The following AIF1L variants were observed in gnomAD, a reference collection of about 807,000 sequenced individuals.
AIF1L encodes the protein allograft inflammatory factor 1-like.
A neutral mutation model predicts 20.7 loss-of-function variants in AIF1L; 12 were observed. That is an observed-to-expected ratio of 0.58 (90% CI 0.37 to 0.94). The LOEUF (loss-of-function observed/expected upper bound fraction) is 0.94, where lower values mean the gene tolerates loss of function less well. Among genes scored for constraint, AIF1L ranks in the 40% least tolerant of loss-of-function variants. The probability of loss-of-function intolerance (pLI) is 0.01; values close to 1 mark genes in which losing one functional copy is unlikely to be tolerated. For synonymous variants in AIF1L, 76 were observed against 65.1 expected (o/e 1.17, Z -0.81); for missense variants, 173 against 185.3 (o/e 0.93, Z 0.39).
chr9:131,106,115 C>G, intron 2 of AIF1L: 1 of 1,479,610 alleles, frequency 6.8e-7, no homozygotes, highest in Non-Finnish European at 9.1e-7. Context: ...ATATGCTGGG[C>G]ACTTCGACGC....
intron 5 of AIF1L, among the ~76,000 whole-genome samples, chr9:131,118,402 A>G (rs1186838614): frequency 1.3e-5 from 2 of 151,738 alleles, no homozygotes; most frequent in Non-Finnish European, 2.9e-5. Flanking sequence ...CCAAATGGTC[A>G]TATTAATATG....
At chr9:131,101,147 C>T (rs1468505458) in intron 2 of AIF1L, among the ~76,000 whole-genome samples, 6 of 152,102 alleles carry the variant, frequency 3.9e-5, no homozygotes, top group Non-Finnish European at 7.4e-5. Context: ...CCGCCCCCCT[C>T]GGCCTCCCAA....
At chr9:131,104,027 C>T (rs994375684) in intron 2 of AIF1L, among the ~76,000 whole-genome samples, 1 of 152,198 alleles carries the variant, frequency 6.6e-6, no homozygotes, top group African/African-American at 2.4e-5. Flanking sequence ...AATTTAACAG[C>T]TCTGCCACCT....
intron 2 of AIF1L, among the ~76,000 whole-genome samples, chr9:131,104,438 A>G (rs1403859749): frequency 1.3e-5 from 2 of 152,220 alleles, no homozygotes; most frequent in Non-Finnish European, 2.9e-5. Context: ...AACTCCCAGT[A>G]TTGACTTTCT....
At chr9:131,117,661 T>C in intron 4 of AIF1L, 95 bp from the exon 5 acceptor site, 1 of 1,365,852 alleles carries the variant, frequency 7.3e-7, no homozygotes, top group Non-Finnish European at 9.9e-7. Context: ...ACGCCAAGTT[T>C]CTAGGCGTGG....
chr9:131,115,288 A>C (rs1830982784), intron 4 of AIF1L, among the ~76,000 whole-genome samples: 1 of 151,728 alleles, frequency 6.6e-6, no homozygotes, highest in Non-Finnish European at 1.5e-5. Context: ...CATCTCTACT[A>C]AAAATACAAA....
At chr9:131,108,924 A>G (rs759464906) in intron 2 of AIF1L, among the ~76,000 whole-genome samples, 3 of 152,206 alleles carry the variant, frequency 2.0e-5, no homozygotes, top group Admixed American at 1.3e-4. Context: ...GTCATCCTCT[A>G]TTCTGCTTGA....
At position 131,120,413 on chromosome 9, in the gene AIF1L, CATTT is replaced by C; in HGVS notation, c.*92_*95del. The C allele has an allele frequency of 1.9e-6, 2 of 1,069,244 alleles. No homozygotes were observed. Among genetic ancestry groups the C allele is most frequent in the Non-Finnish European group, 2.7e-6 (2 of 743,722 alleles). The allele number at this position is 1,069,244 out of a possible 1,614,324, so 66.2% of individuals were successfully genotyped here. On this transcript the variant is annotated 3_prime_UTR_variant, in exon 6 of 6. Transcript: ENST00000247291. Reference sequence around the variant, plus strand: ...GACACACTGTGATCTCTCTCTCTCTCATTTGTTTGGTCATTGAGGGTTTGTTTGT... The same window carrying C: ...GACACACTGTGATCTCTCTCTCTCTCGTTTGGTCATTGAGGGTTTGTTTGT...
At chr9:131,105,834 C>CT (rs11316586) in intron 2 of AIF1L, among the ~76,000 whole-genome samples, 4 of 139,154 alleles carry the variant, frequency 2.9e-5, no homozygotes, top group African/African-American at 8.0e-5. Flanking sequence ...GTTGTTGTTG[C>CT]TTTTTTTTTT....
Position 131,120,937 on chromosome 9 carries a change from A to G in AIF1L, c.*615A>G. The stretch of plus-strand genomic sequence containing the variant: ...GGAGCTTGGCATTGGGAGCCCTTCA[A>G]GAAGGTACCAGAAGGAACCCTCCAG... On this transcript the variant is annotated 3_prime_UTR_variant, in exon 6 of 6. Transcript: ENST00000247291. 2 of 505,022 alleles carry G rather than the reference A, an allele frequency of 4.0e-6. No individual in the cohort carries two copies. Among genetic ancestry groups the G allele is most frequent in the Non-Finnish European group, 7.2e-6 (2 of 278,156 alleles). The allele number at this position is 505,022 out of a possible 1,614,324, so 31.3% of individuals were successfully genotyped here. A position where few individuals can be genotyped will look rare whatever the true frequency, so the allele number is the denominator to read the frequency against.
At chr9:131,116,264 ATTTT>A (rs1394174401) in intron 4 of AIF1L, among the ~76,000 whole-genome samples, 1 of 151,924 alleles carries the variant, frequency 6.6e-6, no homozygotes, top group African/African-American at 2.4e-5. Context: ...TTTATTATTG[ATTTT>A]TCTTTCTTTT....
rs115181141 is a variant in AIF1L, at chr9:131,117,094, C to G, written c.203-662C>G. ...CGGTCAGAGACAGCACCGCCTCGGGCTGGAGTGACATTCTGGGGCCTCCCT... is the reference window on the plus strand; with the variant it reads ...CGGTCAGAGACAGCACCGCCTCGGGGTGGAGTGACATTCTGGGGCCTCCCT... On this transcript the variant is annotated intron_variant, in intron 4 of 5. Transcript: ENST00000247291. Among the ~76,000 whole-genome samples the G allele has an allele frequency of 4.6e-3, 700 of 152,318 alleles. 6 individuals are homozygous for G. The highest frequency in any genetic ancestry group is 0.016 in the African/African-American group (680 of 41,570).
intron 2 of AIF1L, chr9:131,106,038 C>T: frequency 1.2e-6 from 1 of 852,526 alleles, no homozygotes; most frequent in Non-Finnish European, 1.7e-6. Flanking sequence ...AGGCTGACTT[C>T]AAACTTCTGG....
At chr9:131,118,877 C>T (rs353518) in intron 5 of AIF1L, among the ~76,000 whole-genome samples, 3 of 151,946 alleles carry the variant, frequency 2.0e-5, no homozygotes, top group Non-Finnish European at 4.4e-5. Context: ...ACCTCCACTA[C>T]CCCCACAGGC....
chr9:131,101,955 C>T (rs1317433589), intron 2 of AIF1L, among the ~76,000 whole-genome samples: 1 of 151,818 alleles, frequency 6.6e-6, no homozygotes, highest in African/African-American at 2.4e-5. Flanking sequence ...CTCACTCTGT[C>T]ACCCAGGCTG....
At chr9:131,103,981 G>A (rs1351228035) in intron 2 of AIF1L, among the ~76,000 whole-genome samples, 1 of 152,236 alleles carries the variant, frequency 6.6e-6, no homozygotes, top group Non-Finnish European at 1.5e-5. Context: ...GCTGAACGCT[G>A]TGAGGAGTCC....
At chr9:131,104,710 GA>G (rs1419888589) in intron 2 of AIF1L, among the ~76,000 whole-genome samples, 1 of 151,982 alleles carries the variant, frequency 6.6e-6, no homozygotes. Context: ...ATAAGTATTA[GA>G]AAAAAATAAT....
intron 4 of AIF1L, among the ~76,000 whole-genome samples, chr9:131,117,282 G>A (rs1043491250): frequency 2.0e-5 from 3 of 152,180 alleles, no homozygotes; most frequent in African/African-American, 7.2e-5. Flanking sequence ...TACTTTCAAT[G>A]CCTGACTTCC....
chr9:131,113,497 C>CAAAAAA (rs3057292), intron 3 of AIF1L, among the ~76,000 whole-genome samples: 50 of 49,322 alleles, frequency 1.0e-3, no homozygotes, highest in Non-Finnish European at 1.5e-3. Context: ...GACTCCATCT[C>CAAAAAA]AAAAAAAAAA....
Sources: allele counts gnomAD v4.1 joint callset (sites outside exome capture counted in the v4.1 genomes callset), GRCh38; gene constraint gnomAD v4.1.1; transcripts MANE v1.5; gene names NCBI Gene and HGNC (gene_info 2026-07-23, HGNC 2026-07-21).